The following PLEKHA5 variants were observed in gnomAD, a reference collection of about 807,000 sequenced individuals.
PLEKHA5 encodes the protein pleckstrin homology domain-containing family A member 5.
PLEKHA5 carries 55 observed loss-of-function variants against 181.9 expected under a neutral mutation model. The observed-to-expected ratio is 0.30, with a 90% CI of 0.24 to 0.38. The LOEUF (loss-of-function observed/expected upper bound fraction) is 0.38. Ranked by LOEUF, PLEKHA5 falls within the 10% of genes least tolerant of loss-of-function variation. The pLI is 1.00. For missense variants in PLEKHA5, 1,432 were observed against 1,549.5 expected (o/e 0.92, Z 1.27); for synonymous variants, 535 against 529.4 (o/e 1.01, Z -0.15).
chr12:19,150,140 G>T (rs919405991), intron 3 of PLEKHA5: 14 of 152,182 alleles, frequency 9.2e-5, no homozygotes, highest in African/African-American at 3.4e-4. Context: ...GTACTCCTTA[G>T]ATTATATAGA....
chr12:19,247,517 T>C (rs1171579581), intron 3 of PLEKHA5, among the ~76,000 whole-genome samples: 2 of 152,184 alleles, frequency 1.3e-5, no homozygotes, highest in East Asian at 3.9e-4. Context: ...TACAGTTTGA[T>C]GGAAATATAT....
At position 19,308,700 on chromosome 12, in the gene PLEKHA5, C is replaced by G. The variant is rs530850504; in HGVS notation, c.2038-6114C>G. On this transcript the variant is annotated intron_variant, in intron 15 of 31. Transcript: ENST00000429027. ...CCAACATGATGGATCTCCTTATGGT[C>G]TTGTTTGTTGACATGCCAAATTAAC... 6.6e-5 allele frequency among the ~76,000 whole-genome samples: 10 copies of G among 152,196 alleles called. No individual in the cohort carries two copies. In the South Asian group the frequency reaches 2.1e-3, roughly 32 times the overall value.
chr12:19,304,907 C>G (rs1016967824), intron 15 of PLEKHA5, among the ~76,000 whole-genome samples: 1 of 151,818 alleles, frequency 6.6e-6, no homozygotes, highest in Non-Finnish European at 1.5e-5. Context: ...CTAGCCTGGC[C>G]AACATGGCGA....
intron 15 of PLEKHA5, among the ~76,000 whole-genome samples, chr12:19,312,230 A>G (rs1229658248): frequency 6.6e-6 from 1 of 152,236 alleles, no homozygotes; most frequent in African/African-American, 2.4e-5. Context: ...AGTAGATTTA[A>G]CATCAGGATT....
At chr12:19,261,088 A>G (rs2068341829) in intron 7 of PLEKHA5, 67 bp downstream of exon 7, 1 of 821,658 alleles carries the variant, frequency 1.2e-6, no homozygotes, top group African/African-American at 1.7e-5. Context: ...TAAGTATCAG[A>G]TACTTTAAAA....
chr12:19,345,923 T>TAA, intron 23 of PLEKHA5, 35 bp downstream of exon 23: 1 of 1,005,598 alleles, frequency 9.9e-7, no homozygotes, highest in Non-Finnish European at 1.6e-6. Context: ...TATAAATTAC[T>TAA]TTTAATGCTT....
chr12:19,353,698 A>G (rs1294416984), intron 25 of PLEKHA5, among the ~76,000 whole-genome samples, 186 bp from the exon 26 acceptor site: 2 of 151,998 alleles, frequency 1.3e-5, no homozygotes, highest in Non-Finnish European at 2.9e-5. Flanking sequence ...ACCTCAGGTC[A>G]TCCGCCTGCC....
At chr12:19,369,344 A>AC in intron 30 of PLEKHA5, among the ~76,000 whole-genome samples, 1 of 144,500 alleles carries the variant, frequency 6.9e-6, no homozygotes, top group African/African-American at 2.5e-5. Flanking sequence ...CAAAAAAAAA[A>AC]AAATTTTTAA....
chr12:19,302,950 C>T (rs1407171285), intron 15 of PLEKHA5, among the ~76,000 whole-genome samples: 2 of 99,480 alleles, frequency 2.0e-5, no homozygotes, highest in African/African-American at 8.7e-5. Flanking sequence ...GAGATGGAGT[C>T]CTGCTCTGTT....
chr12:19,267,388 G>T (rs373209127), intron 8 of PLEKHA5, among the ~76,000 whole-genome samples: 2 of 152,156 alleles, frequency 1.3e-5, no homozygotes, highest in South Asian at 2.1e-4. Context: ...CCGGGCACAG[G>T]GGCTCATGCC....
intron 3 of PLEKHA5, among the ~76,000 whole-genome samples, chr12:19,158,519 C>G (rs1565880506): frequency 6.6e-6 from 1 of 151,798 alleles, no homozygotes; most frequent in Non-Finnish European, 1.5e-5. Context: ...CTTGATTTTT[C>G]TTTTTTTTCA....
chr12:19,288,386 A>G (rs1296390322), intron 13 of PLEKHA5, among the ~76,000 whole-genome samples: 1 of 152,236 alleles, frequency 6.6e-6, no homozygotes, highest in African/African-American at 2.4e-5. Flanking sequence ...GAAAGGAGTT[A>G]CATTAGCAGG....
chr12:19,364,686 G>A (rs1212507823), intron 29 of PLEKHA5, among the ~76,000 whole-genome samples: 1 of 151,514 alleles, frequency 6.6e-6, no homozygotes, highest in Non-Finnish European at 1.5e-5. Context: ...TTTTGAGACG[G>A]GATCTCACTC....
intron 3 of PLEKHA5, among the ~76,000 whole-genome samples, chr12:19,141,275 G>T (rs1277460395): frequency 6.6e-6 from 1 of 151,904 alleles, no homozygotes; most frequent in African/African-American, 2.4e-5. Context: ...TTCTTCTCTA[G>T]TTGCAAATTA....
chr12:19,251,735 CA>C (rs2065352836), intron 3 of PLEKHA5, among the ~76,000 whole-genome samples: 1 of 82,256 alleles, frequency 1.2e-5, no homozygotes, highest in African/African-American at 4.9e-5. Context: ...TTTTGAGGCC[CA>C]TCCAAAAAAA....
At chr12:19,364,783 A>G (rs1460760504) in intron 29 of PLEKHA5, among the ~76,000 whole-genome samples, 1 of 151,648 alleles carries the variant, frequency 6.6e-6, no homozygotes, top group Non-Finnish European at 1.5e-5. Context: ...CTCCTGCCTC[A>G]GCCTCCCAAG....
chr12:19,299,826 T>C (rs1284691307), intron 15 of PLEKHA5, among the ~76,000 whole-genome samples: 1 of 152,214 alleles, frequency 6.6e-6, no homozygotes, highest in Non-Finnish European at 1.5e-5. Flanking sequence ...CATTATGTCT[T>C]TTAGCCAACT....
intron 3 of PLEKHA5, among the ~76,000 whole-genome samples, chr12:19,217,732 C>T (rs1274458415): frequency 1.3e-5 from 2 of 152,088 alleles, no homozygotes; most frequent in Non-Finnish European, 2.9e-5. Flanking sequence ...ATTAATGTGG[C>T]AATGATGAGA....
intron 3 of PLEKHA5, among the ~76,000 whole-genome samples, chr12:19,193,289 G>GACTTTGTTT (rs2051688563): frequency 6.6e-6 from 1 of 152,156 alleles, no homozygotes; most frequent in East Asian, 1.9e-4. Context: ...CATTAGGTAA[G>GACTTTGTTT]ACTTTGTTTA....
Sources: allele counts gnomAD v4.1 joint callset (sites outside exome capture counted in the v4.1 genomes callset), GRCh38; gene constraint gnomAD v4.1.1; transcripts MANE v1.5; gene names NCBI Gene and HGNC (gene_info 2026-07-23, HGNC 2026-07-21).